SEL1L2: variants seen among roughly 807,000 people sequenced by gnomAD.
SEL1L2 encodes the protein SEL1L2 adaptor subunit of SYVN1 ubiquitin ligase, also known as protein sel-1 homolog 2.
In SEL1L2, 89 loss-of-function variants were observed where a neutral mutation model predicts 98.8. The ratio of observed to expected loss-of-function variants is 0.90; its 90% confidence interval spans 0.76 to 1.07. The LOEUF is 1.07. Among genes scored for constraint, SEL1L2 ranks in the 50% least tolerant of loss-of-function variants. The pLI is 0.00. For missense variants in SEL1L2, 788 were observed against 812.0 expected (o/e 0.97, Z 0.36); for synonymous variants, 262 against 278.5 (o/e 0.94, Z 0.59).
intron 17 of SEL1L2, among the ~76,000 whole-genome samples, chr20:13,860,788 C>T (rs1220346453): frequency 6.6e-6 from 1 of 151,944 alleles, no homozygotes; most frequent in East Asian, 1.9e-4. Context: ...TTTATATCTA[C>T]TATCTCTCTC....
At chr20:13,942,476 C>A (rs60824008) in intron 2 of SEL1L2, among the ~76,000 whole-genome samples, 9,741 of 152,162 alleles carry the variant, frequency 0.064, 355 homozygotes, top group Non-Finnish European at 0.073. Flanking sequence ...GTCTACAGAA[C>A]CAGAAACTCT....
intron 3 of SEL1L2, among the ~76,000 whole-genome samples, chr20:13,921,297 G>A (rs1200872895): frequency 6.6e-6 from 1 of 152,052 alleles, no homozygotes; most frequent in Non-Finnish European, 1.5e-5. Flanking sequence ...CTCAGCCTCC[G>A]AGTAGCTGGG....
intron 5 of SEL1L2, among the ~76,000 whole-genome samples, chr20:13,909,487 A>T (rs12479701): frequency 0.032 from 4,947 of 152,272 alleles, 167 homozygotes; most frequent in South Asian, 0.17. Context: ...AAGCACTGGA[A>T]TTTAATCCAG....
intron 1 of SEL1L2, among the ~76,000 whole-genome samples, chr20:13,970,997 G>A (rs920178362): frequency 2.6e-5 from 4 of 150,990 alleles, no homozygotes; most frequent in South Asian, 2.1e-4. Context: ...TGATAATACT[G>A]GTGTCTCACT....
rs927144355 is a variant in SEL1L2 at position 13,888,153 on chromosome 20, A to T, written c.604-152T>A. ...ATTTCAAATTTCACTCTCCTTTGTA[A>T]AGATGTTTGCCATTTATTAGGGGTT... is the stretch of plus-strand genomic sequence containing the variant. On this transcript the variant is annotated intron_variant, in intron 6 of 19. Coordinates refer to ENST00000284951, the MANE Select transcript of SEL1L2 (RefSeq NM_025229.2). The T allele has an allele frequency of 5.8e-6, 4 of 692,536 alleles. No homozygotes were observed. The South Asian group carries it at 7.6e-5, about 13-fold the overall frequency. The allele number at this position is 692,536 out of a possible 1,614,324, so 42.9% of individuals were successfully genotyped here.
At chr20:13,988,348 G>A (rs2052349968) in intron 1 of SEL1L2, among the ~76,000 whole-genome samples, 1 of 152,046 alleles carries the variant, frequency 6.6e-6, no homozygotes, top group African/African-American at 2.4e-5. Context: ...TTTAAAAACT[G>A]TTTTATTTAT....
At chr20:13,868,796 C>A (rs934899622) in intron 14 of SEL1L2, among the ~76,000 whole-genome samples, 11 of 151,836 alleles carry the variant, frequency 7.2e-5, no homozygotes, top group Admixed American at 6.6e-4. Context: ...TTAGTAGACA[C>A]GGGGTTTCAC....
intron 1 of SEL1L2, among the ~76,000 whole-genome samples, chr20:13,963,067 A>G (rs1295769086): frequency 7.0e-6 from 1 of 142,362 alleles, no homozygotes; most frequent in East Asian, 2.1e-4. Context: ...CTCCATCTCA[A>G]AAAAAAAAAG....
chr20:13,931,602 C>A lies in SEL1L2; in HGVS notation c.283+1G>T, dbSNP rs1244205661. The A allele has an allele frequency of 7.4e-7, 1 of 1,359,936 alleles. No homozygotes were observed. The highest frequency in any genetic ancestry group is 2.4e-5 in the East Asian group (1 of 41,484). The allele number at this position is 1,359,936 out of a possible 1,614,324, so 84.2% of individuals were successfully genotyped here. A position where few individuals can be genotyped will look rare whatever the true frequency, so the allele number is the denominator to read the frequency against. On this transcript the variant is annotated splice_donor_variant, in intron 3 of 19. Coordinates refer to ENST00000284951, the MANE Select transcript of SEL1L2 (RefSeq NM_025229.2). LOFTEE classifies it high-confidence loss of function. ...TACATGTGAAAAGATATTCTACTTA[C>A]AATGATTCTTATTTCTCTTCAAGAT...
At chr20:13,859,470 C>A in intron 17 of SEL1L2, 36 bp from the exon 18 acceptor site, 1 of 1,526,796 alleles carries the variant, frequency 6.5e-7, no homozygotes, top group South Asian at 1.1e-5. Context: ...AATCATAACT[C>A]AAATGATTCA....
upstream of SEL1L2, among the ~76,000 whole-genome samples, chr20:13,991,022 A>C (rs951911218): frequency 6.6e-6 from 1 of 152,228 alleles, no homozygotes; most frequent in African/African-American, 2.4e-5. Flanking sequence ...CTTTGTTCCC[A>C]ATCTGGATGA....
chr20:13,913,429 T>C (rs1186068715), intron 5 of SEL1L2: 1 of 161,062 alleles, frequency 6.2e-6, no homozygotes, highest in Non-Finnish European at 1.3e-5. Context: ...GAAATGGCTA[T>C]GTTATTCTTG....
At chr20:13,855,809 C>A (rs1369846787) in intron 18 of SEL1L2, among the ~76,000 whole-genome samples, 1 of 152,250 alleles carries the variant, frequency 6.6e-6, no homozygotes, top group Non-Finnish European at 1.5e-5. Context: ...CACTTCCACG[C>A]CCTTGCGAGA....
intron 17 of SEL1L2, among the ~76,000 whole-genome samples, chr20:13,860,561 C>T (rs188738869): frequency 3.9e-5 from 6 of 152,134 alleles, no homozygotes; most frequent in Non-Finnish European, 5.9e-5. Flanking sequence ...TGCATGGGCT[C>T]TTTATTTCAA....
At position 13,866,732 on chromosome 20, in the gene SEL1L2, T is replaced by G; in HGVS notation, c.1374A>C (p.Gly458=). The G allele has an allele frequency of 6.2e-7, 1 of 1,604,826 alleles. No individual in the cohort carries two copies. The highest frequency in any genetic ancestry group is 1.7e-5 in the Admixed American group (1 of 57,866). ...CAGCAGTTCTGCATGATCTTACTAC[T>G]CCTGTTCCTGTTGCATACATCTTGG... ...YLAKMYATGT[G]VVRSCRTAVE... Residue 458 remains glycine, a synonymous_variant, in exon 15 of 20, where the codon GGA becomes GGC. Coordinates refer to ENST00000284951, the MANE Select transcript of SEL1L2 (RefSeq NM_025229.2).
intron 1 of SEL1L2, among the ~76,000 whole-genome samples, chr20:13,977,832 A>G (rs780003470): frequency 6.6e-6 from 1 of 152,222 alleles, no homozygotes; most frequent in Non-Finnish European, 1.5e-5. Flanking sequence ...AAAAATTATA[A>G]AAATTTGATG....
chr20:13,967,633 C>A (rs1302568892), intron 1 of SEL1L2, among the ~76,000 whole-genome samples: 1 of 152,168 alleles, frequency 6.6e-6, no homozygotes, highest in Non-Finnish European at 1.5e-5. Context: ...ACAACTGGTT[C>A]TGTCTGGCAT....
At chr20:13,973,983 G>C (rs1170320859) in intron 1 of SEL1L2, among the ~76,000 whole-genome samples, 1 of 152,182 alleles carries the variant, frequency 6.6e-6, no homozygotes. Context: ...AAGGGGTAGT[G>C]TGCCCTTATT....
Position 13,876,096 on chromosome 20 carries a change from G to T in SEL1L2, c.1046C>A (p.Ala349Asp), listed in dbSNP as rs776822653. ...AGTAGCGTTATTTTGCGGCACGGCAGCATTCCCCTCTAAATACATCTAGGA... is the reference window on the plus strand; with the variant it reads ...AGTAGCGTTATTTTGCGGCACGGCATCATTCCCCTCTAAATACATCTAGGA... ...FIGKMYLEGN[A>D]AVPQNNATAF... is the part of the protein sequence containing the mutation. The change falls in exon 12 of 20, where the codon GCT (alanine) becomes GAT (aspartate). Residue 349 changes from alanine (A) to aspartate (D), a missense_variant. Ala to Asp is a moderately radical substitution (Grantham distance 126). Transcript: ENST00000284951. 6.2e-7 allele frequency: 1 copy of T among 1,613,650 alleles called. No homozygotes were observed. The highest frequency in any genetic ancestry group is 2.2e-5 in the East Asian group (1 of 44,888).
Sources: allele counts gnomAD v4.1 joint callset (sites outside exome capture counted in the v4.1 genomes callset), GRCh38; gene constraint gnomAD v4.1.1; transcripts MANE v1.5; gene names NCBI Gene and HGNC (gene_info 2026-07-23, HGNC 2026-07-21).